Variants in CHST8 observed in about 807,000 individuals in gnomAD.
CHST8 encodes the protein carbohydrate sulfotransferase 8, also known as GALNAC-4-ST1.
In CHST8, 10 loss-of-function variants were observed where a neutral mutation model predicts 15.0. The ratio of observed to expected loss-of-function variants is 0.67; its 90% CI spans 0.41 to 1.13. The LOEUF is 1.13. CHST8 is among the 50% of genes most tolerant of loss of function. CHST8 has a pLI of 0.00. For missense variants in CHST8, 634 were observed against 608.2 expected, an observed-to-expected ratio of 1.04 and a Z score of -0.45; for synonymous variants, 259 against 256.6, an observed-to-expected ratio of 1.01 and a Z score of -0.09.
chr19:33,745,902 C>T (rs1367375604), intron 3 of CHST8, among the ~76,000 whole-genome samples: 2 of 152,238 alleles, frequency 1.3e-5, no homozygotes, highest in East Asian at 1.9e-4. Context: ...CCTCCCTGCA[C>T]CCTTCACCTC....
intron 1 of CHST8, among the ~76,000 whole-genome samples, chr19:33,660,816 G>T (rs1425580837): frequency 6.6e-6 from 1 of 152,220 alleles, no homozygotes; most frequent in Non-Finnish European, 1.5e-5. Context: ...TGCACTGCCT[G>T]TGAGTTAGCC....
chr19:33,757,512 AAGAAAGAAAGAGAAAGAAAGAAAG>A (rs1974607849), intron 3 of CHST8, among the ~76,000 whole-genome samples: 1 of 43,022 alleles, frequency 2.3e-5, no homozygotes, highest in Non-Finnish European at 4.9e-5. Context: ...GAAAGAAAGA[AAGAAAGAAAGAGAAAGAAAGAAAG>A]AAAGAAAGAA....
intron 2 of CHST8, among the ~76,000 whole-genome samples, chr19:33,678,916 C>T (rs1001374426): frequency 3.9e-5 from 6 of 152,310 alleles, no homozygotes; most frequent in South Asian, 2.1e-4. Context: ...CTTTCACCTT[C>T]GTTGTCCTTT....
At chr19:33,734,716 G>A (rs905226306) in intron 3 of CHST8, among the ~76,000 whole-genome samples, 1 of 152,150 alleles carries the variant, frequency 6.6e-6, no homozygotes, top group African/African-American at 2.4e-5. Context: ...TCTGTTGGGA[G>A]TGAGGACCCA....
intron 3 of CHST8, among the ~76,000 whole-genome samples, chr19:33,701,044 C>T (rs1230934259): frequency 1.3e-5 from 2 of 152,102 alleles, no homozygotes; most frequent in Non-Finnish European, 2.9e-5. Context: ...GCTTTGGGAC[C>T]ATCATTGAAT....
intron 3 of CHST8, among the ~76,000 whole-genome samples, chr19:33,731,756 T>G (rs1396783976): frequency 6.6e-6 from 1 of 152,168 alleles, no homozygotes; most frequent in African/African-American, 2.4e-5. Flanking sequence ...GAGATGAGGT[T>G]TGGGTTCTTC....
chr19:33,764,849 C>G (rs1974801613), intron 3 of CHST8, among the ~76,000 whole-genome samples: 1 of 152,020 alleles, frequency 6.6e-6, no homozygotes, highest in South Asian at 2.1e-4. Context: ...CCCCTTCCCA[C>G]CCTTTCCCCG....
At chr19:33,671,028 C>T (rs1289862357) in intron 2 of CHST8, among the ~76,000 whole-genome samples, 2 of 152,156 alleles carry the variant, frequency 1.3e-5, no homozygotes, top group African/African-American at 2.4e-5. Context: ...TTCTCCCAGT[C>T]ATCACTGTAT....
chr19:33,695,821 C>CTTTCTTTCTTTTTTTT (rs57718433), intron 3 of CHST8, among the ~76,000 whole-genome samples: 7 of 76,242 alleles, frequency 9.2e-5, no homozygotes, highest in African/African-American at 1.2e-4. Flanking sequence ...TTCTTTCTTT[C>CTTTCTTTCTTTTTTTT]TTTTTTTTTT....
intron 3 of CHST8, among the ~76,000 whole-genome samples, chr19:33,733,700 A>AC (rs1974033431): frequency 6.6e-6 from 1 of 151,942 alleles, no homozygotes; most frequent in African/African-American, 2.4e-5. Flanking sequence ...GGCATCCTAA[A>AC]CCCCCTCTCT....
rs571169674 is a variant in CHST8, at chr19:33,725,933, C to T, written c.130+36542C>T. ...CCACTGGAGACACTGGGAATGGGGC[C>T]GCTCAGGGCTCTTGCCTGGAAGTGG... is the stretch of plus-strand genomic sequence containing the variant. On this transcript the variant is annotated intron_variant, in intron 3 of 4. Coordinates refer to ENST00000650847, the MANE Select transcript of CHST8 (RefSeq NM_001127895.2). Among the ~76,000 whole-genome samples the T allele has an allele frequency of 5.7e-4, 87 of 152,350 alleles. 1 individual carries two copies. In the South Asian group the frequency reaches 7.9e-3, roughly 14 times the overall value.
At chr19:33,710,110 A>C (rs1332933228) in intron 3 of CHST8, among the ~76,000 whole-genome samples, 1 of 152,100 alleles carries the variant, frequency 6.6e-6, no homozygotes, top group African/African-American at 2.4e-5. Context: ...GGCTTTGTTC[A>C]TTTCATTCAA....
intron 3 of CHST8, among the ~76,000 whole-genome samples, chr19:33,710,994 C>G (rs1263696107): frequency 2.6e-5 from 4 of 151,982 alleles, no homozygotes; most frequent in East Asian, 1.9e-4. Flanking sequence ...CCTCAGCCCC[C>G]CAAGTAGCTG....
chr19:33,662,572 G>C (rs1030978950), intron 1 of CHST8, among the ~76,000 whole-genome samples: 1 of 152,294 alleles, frequency 6.6e-6, no homozygotes, highest in South Asian at 2.1e-4. Context: ...ATGCTGTGAG[G>C]GGGTGCCTGG....
intron 2 of CHST8, among the ~76,000 whole-genome samples, chr19:33,679,218 T>C (rs1463792457): frequency 6.6e-6 from 1 of 152,176 alleles, no homozygotes; most frequent in Non-Finnish European, 1.5e-5. Context: ...AATATGCAAT[T>C]TTTTCCTCCC....
At chr19:33,641,596 G>A (rs1040743131) in intron 1 of CHST8, among the ~76,000 whole-genome samples, 1 of 152,202 alleles carries the variant, frequency 6.6e-6, no homozygotes, top group Non-Finnish European at 1.5e-5. Flanking sequence ...GAAGATGGAA[G>A]GGAAGAAGGG....
At chr19:33,737,218 G>A (rs4805933) in intron 3 of CHST8, among the ~76,000 whole-genome samples, 2,857 of 152,284 alleles carry the variant, frequency 0.019, 33 homozygotes, top group Non-Finnish European at 0.027. Context: ...GCTTCTCTGC[G>A]TATGGAATAG....
intron 2 of CHST8, among the ~76,000 whole-genome samples, chr19:33,688,404 A>C (rs577477608): frequency 1.3e-5 from 2 of 152,122 alleles, no homozygotes; most frequent in African/African-American, 2.4e-5. Context: ...CAGGAACACG[A>C]GGGGGTGTTA....
chr19:33,662,659 G>A (rs907541145), intron 1 of CHST8, among the ~76,000 whole-genome samples: 4 of 152,184 alleles, frequency 2.6e-5, no homozygotes, highest in African/African-American at 9.7e-5. Flanking sequence ...TGAGGTAAAG[G>A]TGGAGGGGCA....
Sources: allele counts gnomAD v4.1 joint callset (sites outside exome capture counted in the v4.1 genomes callset), GRCh38; gene constraint gnomAD v4.1.1; transcripts MANE v1.5; gene names NCBI Gene and HGNC (gene_info 2026-07-23, HGNC 2026-07-21).